Variants in FSHR observed in about 807,000 individuals in gnomAD.
FSHR encodes follicle-stimulating hormone receptor.
Under a neutral mutation model 52.1 loss-of-function variants are expected in FSHR, and 46 were observed. That is an observed-to-expected ratio of 0.88 (90% CI 0.70 to 1.13). The LOEUF (loss-of-function observed/expected upper bound fraction) is 1.13. Among genes scored for constraint, FSHR ranks in the 50% most tolerant of loss-of-function variants. The pLI is 0.00. For synonymous variants in FSHR, 399 were observed against 309.6 expected (o/e 1.29, Z -3.03); for missense variants, 964 against 834.6 (o/e 1.16, Z -1.91).
chr2:49,038,975 T>C (rs1360809624), intron 2 of FSHR, among the ~76,000 whole-genome samples: 1 of 152,166 alleles, frequency 6.6e-6, no homozygotes, highest in African/African-American at 2.4e-5. Context: ...ATTGTACGTG[T>C]ATTTGAGAAC....
chr2:48,963,597 A>C lies in FSHR; in HGVS notation c.1224T>G (p.Asp408Glu). ...RFLMCNLAFA[D>E]LCIGIYLLLI... ...GCAGCAGGTAGATTCCAATGCAGAG[A>C]TCAGCAAAGGCCAGGTTGCACATAA... The change falls in exon 10 of 10, where the codon GAT becomes GAG. Residue 408 changes from aspartate (D) to glutamate (E), a missense_variant. Physicochemically the swap from Asp to Glu is conservative, Grantham distance 45. Transcript: ENST00000406846. 6.2e-7 allele frequency: 1 copy of C among 1,614,196 alleles called. No homozygotes were observed.
At chr2:49,076,907 T>C (rs982397151) in intron 1 of FSHR, among the ~76,000 whole-genome samples, 20 of 152,292 alleles carry the variant, frequency 1.3e-4, no homozygotes, top group Non-Finnish European at 2.2e-4. Context: ...CAGGTCACAG[T>C]AATGTAAGAG....
In FSHR at chr2:48,998,264, T is replaced by C. The variant is rs140258975; in HGVS notation, c.375-7627A>G. Among the ~76,000 whole-genome samples, 89 of 152,186 alleles carry C rather than the reference T, an allele frequency of 5.8e-4. 1 individual carries two copies. The East Asian group carries it at 0.013, about 22-fold the overall frequency. On this transcript the variant is annotated intron_variant, in intron 4 of 9. Coordinates refer to ENST00000406846, the MANE Select transcript of FSHR (RefSeq NM_000145.4). ...TTGTCTTTTTAAGTGAAAGGTGGTATATTAATGAGGAGGAAGGCAACAGGA... is the reference window on the plus strand; with the variant it reads ...TTGTCTTTTTAAGTGAAAGGTGGTACATTAATGAGGAGGAAGGCAACAGGA...
At chr2:49,073,368 A>C (rs1247183366) in intron 1 of FSHR, among the ~76,000 whole-genome samples, 1 of 152,110 alleles carries the variant, frequency 6.6e-6, no homozygotes, top group Non-Finnish European at 1.5e-5. Context: ...AAGTTGTGGG[A>C]TAAATTAATA....
chr2:49,040,969 G>C (rs930173142), intron 2 of FSHR, among the ~76,000 whole-genome samples: 3 of 152,138 alleles, frequency 2.0e-5, no homozygotes, highest in African/African-American at 4.8e-5. Flanking sequence ...AATAGGAATG[G>C]GATAGATGGT....
intron 6 of FSHR, among the ~76,000 whole-genome samples, chr2:48,985,513 G>C (rs2104078406): frequency 6.6e-6 from 1 of 152,134 alleles, no homozygotes; most frequent in Middle Eastern, 3.4e-3. Context: ...TGCTTACCAG[G>C]GCACAGTGCG....
At chr2:49,045,503 G>T (rs558377706) in intron 2 of FSHR, among the ~76,000 whole-genome samples, 1 of 152,350 alleles carries the variant, frequency 6.6e-6, no homozygotes, top group African/African-American at 2.4e-5. Flanking sequence ...AAGAGGTTCT[G>T]GTTGAATCTA....
chr2:49,002,279 A>C (rs1389903465), intron 4 of FSHR, among the ~76,000 whole-genome samples: 3 of 152,056 alleles, frequency 2.0e-5, no homozygotes, highest in Non-Finnish European at 4.4e-5. Context: ...AACTTTCAAA[A>C]TGTTCCCACA....
intron 1 of FSHR, among the ~76,000 whole-genome samples, chr2:49,080,023 A>G (rs1670108238): frequency 6.6e-6 from 1 of 152,220 alleles, no homozygotes; most frequent in Non-Finnish European, 1.5e-5. Flanking sequence ...ACAACCCAGT[A>G]GAAAAATTGG....
chr2:48,976,969 G>C (rs993774067), intron 8 of FSHR, among the ~76,000 whole-genome samples: 1 of 151,792 alleles, frequency 6.6e-6, no homozygotes, highest in African/African-American at 2.4e-5. Context: ...GGGGTTTTTC[G>C]TGTCTCTGTC....
At position 48,962,363 on chromosome 2, in the gene FSHR, C is replaced by G. The variant is rs1238329932; in HGVS notation, c.*370G>C. ...AAACTAAACAATTTTGAACAAGTCA[C>G]TTAACTCTTTGAGTCGTGGTTTCCT... On this transcript the variant is annotated 3_prime_UTR_variant, in exon 10 of 10. Coordinates refer to ENST00000406846, the MANE Select transcript of FSHR (RefSeq NM_000145.4). 1 of 263,382 alleles carries G rather than the reference C, an allele frequency of 3.8e-6. No homozygotes were observed. The highest frequency in any genetic ancestry group is 7.3e-6 in the Non-Finnish European group (1 of 136,096). 16.3% of individuals were successfully genotyped at this position (263,382 alleles called of 1,614,324 possible).
At chr2:48,971,424 G>A (rs1010081346) in intron 8 of FSHR, among the ~76,000 whole-genome samples, 1 of 152,158 alleles carries the variant, frequency 6.6e-6, no homozygotes, top group Non-Finnish European at 1.5e-5. Context: ...CCCAGTTCCT[G>A]GACATCAGTA....
chr2:49,127,854 T>TTCC (rs1672104620), intron 1 of FSHR, among the ~76,000 whole-genome samples: 1 of 33,284 alleles, frequency 3.0e-5, no homozygotes, highest in African/African-American at 2.7e-4. Flanking sequence ...CTTCTTCTTC[T>TTCC]TCTTCTTCTT....
chr2:49,059,421 A>C (rs1045524312), intron 2 of FSHR, among the ~76,000 whole-genome samples: 7 of 151,966 alleles, frequency 4.6e-5, no homozygotes, highest in African/African-American at 1.4e-4. Flanking sequence ...GGGGGAAAAA[A>C]AAAACAGACA....
At chr2:49,039,851 A>G (rs1668417745) in intron 2 of FSHR, among the ~76,000 whole-genome samples, 1 of 152,234 alleles carries the variant, frequency 6.6e-6, no homozygotes, top group Non-Finnish European at 1.5e-5. Context: ...GCTGTTCATC[A>G]AAATATTAAC....
intron 4 of FSHR, among the ~76,000 whole-genome samples, chr2:48,998,108 T>A (rs578241085): frequency 6.6e-6 from 1 of 152,266 alleles, no homozygotes; most frequent in Non-Finnish European, 1.5e-5. Context: ...CTAGAGTTGA[T>A]AAATTAAAGA....
At chr2:49,027,271 C>T (rs74490041) in intron 2 of FSHR, among the ~76,000 whole-genome samples, 81 of 152,252 alleles carry the variant, frequency 5.3e-4, no homozygotes, top group African/African-American at 1.7e-3. Flanking sequence ...TCTTAACAGC[C>T]GTGTGGTGAC....
intron 2 of FSHR, among the ~76,000 whole-genome samples, chr2:49,067,609 C>T (rs897158465): frequency 2.0e-5 from 3 of 152,164 alleles, no homozygotes; most frequent in African/African-American, 7.2e-5. Context: ...GGAGGATTTG[C>T]TCTTTTACTA....
intron 1 of FSHR, among the ~76,000 whole-genome samples, chr2:49,089,952 C>G (rs1670539201): frequency 6.6e-6 from 1 of 152,166 alleles, no homozygotes; most frequent in Non-Finnish European, 1.5e-5. Context: ...TCGAAAAAGA[C>G]TTACCAGTGG....
Sources: allele counts gnomAD v4.1 joint callset (sites outside exome capture counted in the v4.1 genomes callset), GRCh38; gene constraint gnomAD v4.1.1; transcripts MANE v1.5; gene names NCBI Gene and HGNC (gene_info 2026-07-23, HGNC 2026-07-21).